Variants in FUBP3 observed in about 807,000 individuals in gnomAD.
FUBP3 encodes the protein far upstream element-binding protein 3.
Under a neutral mutation model 85.6 loss-of-function variants are expected in FUBP3, and 28 were observed. The observed-to-expected ratio is 0.33, with a 90% CI of 0.24 to 0.45. The LOEUF is 0.45. FUBP3 is among the 20% of genes least tolerant of loss of function. The probability of loss-of-function intolerance (pLI) is 1.00; values close to 1 mark genes in which losing one functional copy is unlikely to be tolerated. For synonymous variants in FUBP3, 271 were observed against 271.4 expected (o/e 1.00, Z 0.01); for missense variants, 583 against 755.1 (o/e 0.77, Z 2.67).
intron 13 of FUBP3, chr9:130,631,039 G>A (rs981499891): frequency 1.7e-5 from 13 of 777,304 alleles, no homozygotes; most frequent in African/African-American, 3.6e-5. Flanking sequence ...CCCCAGAGCC[G>A]TTCCCCTGCG....
intron 1 of FUBP3, among the ~76,000 whole-genome samples, chr9:130,588,827 G>A (rs530807307): frequency 9.8e-5 from 15 of 152,364 alleles, no homozygotes; most frequent in African/African-American, 3.6e-4. Context: ...TTAGGAACTT[G>A]TTCTTTGCCA....
chr9:130,634,739 G>A lies in FUBP3; in HGVS notation c.1582+1G>A. The A allele has an allele frequency of 6.2e-7, 1 of 1,611,884 alleles. No individual in the cohort carries two copies. The highest frequency in any genetic ancestry group is 8.5e-7 in the Non-Finnish European group (1 of 1,178,476). ...TGGGAAGACTATTACAAAAAACAGA[G>A]TGAGTGCCCGGCCCTCCTAACCTGT... On this transcript the variant is annotated splice_donor_variant, in intron 17 of 18. Coordinates refer to ENST00000319725, the MANE Select transcript of FUBP3 (RefSeq NM_003934.2). LOFTEE classifies it high-confidence loss of function.
At chr9:130,622,320 CAAAAAAAAAAA>C (rs917479721) in intron 9 of FUBP3, among the ~76,000 whole-genome samples, 5 of 44,348 alleles carry the variant, frequency 1.1e-4, no homozygotes, top group Non-Finnish European at 1.9e-4. Flanking sequence ...ACTCCATCTC[CAAAAAAAAAAA>C]AAAAAAAAAA....
Position 130,617,838 on chromosome 9 carries a change from A to G in FUBP3, c.609A>G (p.Pro203=). 2 of 1,610,692 alleles carry G rather than the reference A, an allele frequency of 1.2e-6. No homozygotes were observed. The highest frequency in any genetic ancestry group is 1.7e-6 in the Non-Finnish European group (2 of 1,176,940). Residue 203 remains proline, a synonymous_variant, in exon 8 of 19, where the codon CCA becomes CCG. Coordinates refer to ENST00000319725, the MANE Select transcript of FUBP3 (RefSeq NM_003934.2). The part of the protein sequence containing the change: ...GVKMVMIQDG[P]LPTGADKPLR... ...AGATGGTCATGATCCAGGATGGCCCATTGCCCACGGGAGCAGACAAGCCTC... is the reference window on the plus strand; with the variant it reads ...AGATGGTCATGATCCAGGATGGCCCGTTGCCCACGGGAGCAGACAAGCCTC...
chr9:130,617,177 G>A (rs1279786283), intron 7 of FUBP3, among the ~76,000 whole-genome samples: 2 of 152,146 alleles, frequency 1.3e-5, no homozygotes, highest in Non-Finnish European at 2.9e-5. Flanking sequence ...AATACACTCA[G>A]AGAAAGGCAA....
intron 11 of FUBP3, among the ~76,000 whole-genome samples, chr9:130,625,887 G>A (rs1829950489): frequency 6.6e-6 from 1 of 152,192 alleles, no homozygotes; most frequent in Non-Finnish European, 1.5e-5. Flanking sequence ...CCTTCTTGCT[G>A]ACTGGAGTGC....
Position 130,637,144 on chromosome 9 carries a change from CTATATT to C in FUBP3, c.*125_*130del. 5.0e-6 allele frequency: 4 copies of C among 794,288 alleles called. No individual in the cohort carries two copies. The highest frequency in any genetic ancestry group is 2.9e-5 in the South Asian group (2 of 69,104). The allele number at this position is 794,288 out of a possible 1,614,324, so 49.2% of individuals were successfully genotyped here. A position where few individuals can be genotyped will look rare whatever the true frequency, so the allele number is the denominator to read the frequency against. ...AACTGTTGTTTTGTTCTGTGAAACA[CTATATT>C]TAGATTAACGGAATTTTTCTAAAAA... is the stretch of plus-strand genomic sequence containing the variant. On this transcript the variant is annotated 3_prime_UTR_variant, in exon 19 of 19. Coordinates refer to ENST00000319725, the MANE Select transcript of FUBP3 (RefSeq NM_003934.2).
chr9:130,629,672 T>C lies in FUBP3; in HGVS notation c.1118-956T>C, dbSNP rs556847635. On this transcript the variant is annotated intron_variant, in intron 12 of 18. Transcript: ENST00000319725. ...CACATGGCATTTAGGGCCTGTTTTT[T>C]TGACTGTGGGCATGGAGGAGGGGCC... Among the ~76,000 whole-genome samples the C allele has an allele frequency of 2.6e-5, 4 of 152,314 alleles. No homozygotes were observed. In the South Asian group the frequency reaches 8.3e-4, roughly 32 times the overall value.
intron 5 of FUBP3, 114 bp downstream of exon 5, chr9:130,613,141 C>T (rs7043781): frequency 2.8e-5 from 19 of 675,348 alleles, no homozygotes; most frequent in African/African-American, 2.2e-4. Context: ...TAGTGTTTTC[C>T]TTGCACTTTG....
rs1188441955 is a variant in FUBP3, at chr9:130,632,210, C to T, written c.1442C>T (p.Pro481Leu). The T allele has an allele frequency of 3.0e-5, 48 of 1,613,600 alleles. No homozygotes were observed. Among genetic ancestry groups the T allele is most frequent in the Non-Finnish European group, 3.4e-5 (40 of 1,179,636 alleles). ...CCTCTTGTTATCCACAGTGGTCCTC[C>T]GGCCTTTCTGACCCAGGGCTGGGGC... ...NPHSTPVSGPPAFLTQGWGST... is the reference protein window; with the variant it reads ...NPHSTPVSGPLAFLTQGWGST... Residue 481 changes from proline (P) to leucine (L), a missense_variant, in exon 16 of 19, where the codon CCG becomes CTG. Physicochemically the swap from Pro to Leu is moderately conservative, Grantham distance 98. Transcript: ENST00000319725.
chr9:130,614,907 C>T, intron 6 of FUBP3, among the ~76,000 whole-genome samples: 1 of 152,186 alleles, frequency 6.6e-6, no homozygotes. Context: ...CTCACATACT[C>T]AGAACCTTAT....
At chr9:130,606,726 A>G (rs570736175) in intron 2 of FUBP3, among the ~76,000 whole-genome samples, 1 of 152,186 alleles carries the variant, frequency 6.6e-6, no homozygotes, top group East Asian at 1.9e-4. Context: ...AAGCTGAGGT[A>G]GGAGAATCGC....
At chr9:130,606,434 G>T (rs530656126) in intron 2 of FUBP3, among the ~76,000 whole-genome samples, 2 of 152,146 alleles carry the variant, frequency 1.3e-5, no homozygotes, top group African/African-American at 4.8e-5. Context: ...CAGTGGTTCC[G>T]TGTGGGTGCC....
At position 130,620,358 on chromosome 9, in the gene FUBP3, C is replaced by G; in HGVS notation, c.671C>G (p.Ala224Gly). ...TTTTTGTTTGTGTTTATGCAGCAAG[C>G]AAGAGAAATGGTACTAGAGATTATC... ...ITGDAFKVQQAREMVLEIIRE... is the reference protein window; with the variant it reads ...ITGDAFKVQQGREMVLEIIRE... Residue 224 changes from alanine to glycine, a missense_variant, in exon 9 of 19, where the codon GCA becomes GGA. By Grantham distance (60) the Ala-to-Gly change is moderately conservative. Coordinates refer to ENST00000319725, the MANE Select transcript of FUBP3 (RefSeq NM_003934.2). 6.4e-7 allele frequency: 1 copy of G among 1,561,286 alleles called. No homozygotes were observed. The highest frequency in any genetic ancestry group is 8.7e-7 in the Non-Finnish European group (1 of 1,147,170).
Position 130,613,025 on chromosome 9 carries a change from C to T in FUBP3, c.344C>T (p.Ser115Leu), listed in dbSNP as rs1470345818. The change falls in exon 5 of 19, where the codon TCA becomes TTA. Residue 115 changes from serine (S) to leucine (L), a missense_variant and splice_region_variant. Physicochemically the swap from Ser to Leu is moderately radical, Grantham distance 145. Coordinates refer to ENST00000319725, the MANE Select transcript of FUBP3 (RefSeq NM_003934.2). ...AESGCKIQIA[S>L]ESSGIPERPC... is the part of the protein sequence containing the mutation. ...TCTGGTTGCAAAATTCAGATTGCTT[C>T]AGGTAAGGGCTTTTTAAAAATAGAT... 1 of 1,590,412 alleles carries T rather than the reference C, an allele frequency of 6.3e-7. No individual in the cohort carries two copies. Among genetic ancestry groups the T allele is most frequent in the East Asian group, 2.2e-5 (1 of 44,816 alleles).
At chr9:130,624,821 C>T (rs1477179093) in intron 11 of FUBP3, among the ~76,000 whole-genome samples, 1 of 152,160 alleles carries the variant, frequency 6.6e-6, no homozygotes, top group African/African-American at 2.4e-5. Flanking sequence ...GGCACGGTGG[C>T]TCACTCTTGT....
chr9:130,624,649 GTGTT>G (rs1465805594), intron 11 of FUBP3, among the ~76,000 whole-genome samples: 101 of 140,328 alleles, frequency 7.2e-4, no homozygotes, highest in African/African-American at 2.8e-3. Flanking sequence ...GTGTGTGTGT[GTGTT>G]TTTAAGCTCA....
In FUBP3 at chr9:130,631,647, A is replaced by G. The variant is rs374676825; in HGVS notation, c.1352+17A>G. ...TCATCAAAAGTGAGTCTTTTGCATCAGTCTTGCCTGGGAGAATTCACTCGC... is the reference window on the plus strand; with the variant it reads ...TCATCAAAAGTGAGTCTTTTGCATCGGTCTTGCCTGGGAGAATTCACTCGC... On this transcript the variant is annotated intron_variant, in intron 14 of 18. Transcript: ENST00000319725. The G allele has an allele frequency of 6.3e-7, 1 of 1,592,570 alleles. No individual in the cohort carries two copies. The highest frequency in any genetic ancestry group is 1.1e-5 in the South Asian group (1 of 90,584).
At chr9:130,626,253 C>T (rs776362768) in intron 11 of FUBP3, 111 bp from the exon 12 acceptor site, 18 of 1,135,764 alleles carry the variant, frequency 1.6e-5, no homozygotes, top group Non-Finnish European at 2.2e-5. Context: ...GTGCTAGGTT[C>T]TGATGGGTGG....
Sources: allele counts gnomAD v4.1 joint callset (sites outside exome capture counted in the v4.1 genomes callset), GRCh38; gene constraint gnomAD v4.1.1; transcripts MANE v1.5; gene names NCBI Gene and HGNC (gene_info 2026-07-23, HGNC 2026-07-21).